Variants in CACNG7 observed in about 807,000 individuals in gnomAD.
CACNG7 encodes voltage-dependent calcium channel gamma-7 subunit.
A neutral mutation model predicts 26.3 loss-of-function variants in CACNG7; 9 were observed. That is an observed-to-expected ratio of 0.34 (90% CI 0.21 to 0.60). CACNG7 has a LOEUF of 0.60. CACNG7 is among the 20% of genes least tolerant of loss of function. The probability of loss-of-function intolerance (pLI) is 0.81; values close to 1 mark genes in which losing one functional copy is unlikely to be tolerated. For synonymous variants in CACNG7, 170 were observed against 157.0 expected (o/e 1.08, Z -0.62); for missense variants, 297 against 380.4 (o/e 0.78, Z 1.82).
chr19:53,927,414 C>T (rs150799708), intron 4 of CACNG7, among the ~76,000 whole-genome samples: 1 of 152,010 alleles, frequency 6.6e-6, no homozygotes, highest in East Asian at 1.9e-4. Flanking sequence ...TGAGAGAGAC[C>T]AGGGAGGGCT....
chr19:53,912,356 T>G lies in CACNG7; in HGVS notation c.-29-447T>G, dbSNP rs1170435663. 6.6e-6 allele frequency among the ~76,000 whole-genome samples: 1 copy of G among 152,152 alleles called. No individual in the cohort carries two copies. Among genetic ancestry groups the G allele is most frequent in the African/African-American group, 2.4e-5 (1 of 41,426 alleles). On this transcript the variant is annotated intron_variant, in intron 1 of 5. Transcript: ENST00000391767. This position sits in a 1 kb window ranked among gnomAD's most constrained non-coding sequence, Gnocchi z 4.6. ...TTAGGGACTCTGGTGGCATCTGATT[T>G]CTAAATTAGGGTCTCAGGTCAGCAG...
At position 53,940,525 on chromosome 19, in the gene CACNG7, T is replaced by A. The variant is rs1370502439; in HGVS notation, c.425-945T>A. Among the ~76,000 whole-genome samples the A allele has an allele frequency of 6.6e-6, 1 of 152,118 alleles. No homozygotes were observed. Among genetic ancestry groups the A allele is most frequent in the Non-Finnish European group, 1.5e-5 (1 of 68,036 alleles). ...CTTCTAACACTGGGATCTGGCCCTG[T>A]CCTTCCTCTGCTACAAACTTTGTGT... On this transcript the variant is annotated intron_variant, in intron 4 of 5. Coordinates refer to ENST00000391767, the MANE Select transcript of CACNG7 (RefSeq NM_031896.5). This position sits in a 1 kb window ranked among gnomAD's most constrained non-coding sequence, Gnocchi z 4.1.
chr19:53,927,148 G>C (rs2069037315), intron 4 of CACNG7, among the ~76,000 whole-genome samples: 2 of 151,884 alleles, frequency 1.3e-5, no homozygotes. Context: ...TCAAACCCCT[G>C]ACCTCAAGTG....
intron 2 of CACNG7, among the ~76,000 whole-genome samples, chr19:53,914,010 T>G (rs2068877449): frequency 6.6e-6 from 1 of 151,808 alleles, no homozygotes; most frequent in Admixed American, 6.6e-5. Flanking sequence ...GTGCAATGGC[T>G]TATGCCTGTA....
rs199725346 is a variant in CACNG7 at position 53,912,830 on chromosome 19, G to A, written c.-2G>A. ...CCCGCAGGGCGCCCCCTGCCTCTGA[G>A]GATGAGTCACTGCAGCAGCCGCGCC... On this transcript the variant is annotated 5_prime_UTR_variant, in exon 2 of 6. Coordinates refer to ENST00000391767, the MANE Select transcript of CACNG7 (RefSeq NM_031896.5). This position sits in a 1 kb window ranked among gnomAD's most constrained non-coding sequence, Gnocchi z 4.6. 5 of 1,611,746 alleles carry A rather than the reference G, an allele frequency of 3.1e-6. No individual in the cohort carries two copies. In the African/African-American group the frequency reaches 5.3e-5, roughly 17 times the overall value.
intron 4 of CACNG7, among the ~76,000 whole-genome samples, chr19:53,924,597 T>C (rs1186299940): frequency 1.4e-5 from 2 of 138,752 alleles, no homozygotes; most frequent in Non-Finnish European, 3.1e-5. Context: ...TGGTCATTGG[T>C]GGAGTTGCCC....
intron 4 of CACNG7, among the ~76,000 whole-genome samples, chr19:53,928,973 G>A (rs2069052401): frequency 2.0e-5 from 3 of 151,864 alleles, no homozygotes; most frequent in Admixed American, 2.0e-4. Context: ...GCCGGGCATG[G>A]TGGCGCACGT....
intron 4 of CACNG7, among the ~76,000 whole-genome samples, chr19:53,936,877 G>C (rs544015391): frequency 1.3e-5 from 2 of 152,084 alleles, no homozygotes; most frequent in Non-Finnish European, 2.9e-5. Flanking sequence ...CCAAAATGCA[G>C]AGATTATAGG....
At chr19:53,925,855 G>A (rs1161080679) in intron 4 of CACNG7, among the ~76,000 whole-genome samples, 1 of 152,224 alleles carries the variant, frequency 6.6e-6, no homozygotes, top group African/African-American at 2.4e-5. Flanking sequence ...ATGGCCATGT[G>A]AGAGAGGGAT....
At chr19:53,937,076 G>C (rs1035302582) in intron 4 of CACNG7, among the ~76,000 whole-genome samples, 3 of 152,014 alleles carry the variant, frequency 2.0e-5, no homozygotes, top group African/African-American at 4.8e-5. Context: ...TTTTAGTAGA[G>C]ATGGGGTCTC....
At chr19:53,929,597 C>A (rs1431150926) in intron 4 of CACNG7, among the ~76,000 whole-genome samples, 1 of 152,160 alleles carries the variant, frequency 6.6e-6, no homozygotes, top group Non-Finnish European at 1.5e-5. Flanking sequence ...GCTGGGATTA[C>A]AGGCGCCCGC....
At chr19:53,915,160 C>T (rs2068887583) in intron 3 of CACNG7, among the ~76,000 whole-genome samples, 1 of 151,726 alleles carries the variant, frequency 6.6e-6, no homozygotes, top group Non-Finnish European at 1.5e-5. Context: ...GGAGGTGTGG[C>T]CTGTGTGAGG....
intron 4 of CACNG7, among the ~76,000 whole-genome samples, chr19:53,928,571 G>A (rs2069049776): frequency 6.6e-6 from 1 of 151,990 alleles, no homozygotes; most frequent in Non-Finnish European, 1.5e-5. Context: ...CACCGCACCT[G>A]GCAGAATGTT....
chr19:53,913,785 T>TAAAA (rs58238779), intron 2 of CACNG7, among the ~76,000 whole-genome samples: 10 of 94,026 alleles, frequency 1.1e-4, no homozygotes, highest in East Asian at 3.0e-4. Flanking sequence ...CCCAGTCTCT[T>TAAAA]AAAAAAAAAA....
Position 53,942,115 on chromosome 19 carries a change from A to C in CACNG7, c.650A>C (p.Tyr217Ser). Residue 217 changes from tyrosine (Y) to serine (S), a missense_variant, in exon 6 of 6, where the codon TAC (tyrosine) becomes TCC (serine). Coordinates refer to ENST00000391767, the MANE Select transcript of CACNG7 (RefSeq NM_031896.5). This position sits in a 1 kb window ranked among gnomAD's most constrained non-coding sequence, Gnocchi z 5.9. ...EEMYRPHPAF[Y>S]RPRLSDCSDY... The stretch of plus-strand genomic sequence containing the variant: ...ATGTACCGTCCACACCCGGCCTTCT[A>C]CCGCCCGCGTCTCAGCGACTGCTCC... 1 of 1,613,844 alleles carries C rather than the reference A, an allele frequency of 6.2e-7. No individual in the cohort carries two copies. The highest frequency in any genetic ancestry group is 8.5e-7 in the Non-Finnish European group (1 of 1,179,906).
At chr19:53,920,109 G>GT (rs201712978) in intron 4 of CACNG7, among the ~76,000 whole-genome samples, 2 of 104,984 alleles carry the variant, frequency 1.9e-5, no homozygotes, top group Admixed American at 9.3e-5. Flanking sequence ...TGGTGGAGTT[G>GT]CCCCAGGCCT....
intron 4 of CACNG7, among the ~76,000 whole-genome samples, chr19:53,921,014 G>C (rs868701475): frequency 8.2e-4 from 58 of 70,414 alleles, no homozygotes; most frequent in African/African-American, 1.3e-3. Flanking sequence ...CATTGGTGGA[G>C]TTGCCCCAGG....
At position 53,939,539 on chromosome 19, in the gene CACNG7, A is replaced by G. The variant is rs1251743850; in HGVS notation, c.425-1931A>G. On this transcript the variant is annotated intron_variant, in intron 4 of 5. Coordinates refer to ENST00000391767, the MANE Select transcript of CACNG7 (RefSeq NM_031896.5). This position sits in a 1 kb window ranked among gnomAD's most constrained non-coding sequence, Gnocchi z 4.2. Reference sequence around the variant, plus strand: ...TATAAATGGAATCACACAATATGTGATATTTTGCATCTGGCTTCTTTTAGC... The same window carrying G: ...TATAAATGGAATCACACAATATGTGGTATTTTGCATCTGGCTTCTTTTAGC... Among the ~76,000 whole-genome samples the G allele has an allele frequency of 6.6e-6, 1 of 152,154 alleles. No individual in the cohort carries two copies. Among genetic ancestry groups the G allele is most frequent in the African/African-American group, 2.4e-5 (1 of 41,418 alleles).
intron 3 of CACNG7, 40 bp from the exon 4 acceptor site, chr19:53,915,325 A>T: frequency 6.7e-7 from 1 of 1,482,410 alleles, no homozygotes; most frequent in Non-Finnish European, 9.4e-7. Flanking sequence ...CCCACTGGAG[A>T]TTCCCCCCTC....
Sources: gnomAD v4.1 joint callset for allele counts (sites outside exome capture counted in the v4.1 genomes callset) on GRCh38, gnomAD v4.1.1 for gene constraint, Gnocchi (gnomAD v3.1) non-coding constraint, MANE v1.5 for transcripts, NCBI Gene and HGNC (gene_info 2026-07-23, HGNC 2026-07-21) for gene names.